TENM2: variants seen among roughly 807,000 people sequenced by gnomAD.
The protein encoded by TENM2 is teneurin transmembrane protein 2.
In TENM2, 52 loss-of-function variants were observed where a neutral mutation model predicts 245.2. The observed-to-expected ratio is 0.21, with a 90% CI of 0.17 to 0.27. TENM2 has a LOEUF of 0.27. Ranked by LOEUF, TENM2 falls within the 10% of genes least tolerant of loss-of-function variation. The pLI is 1.00. For synonymous variants in TENM2, 1,363 were observed against 1,438.9 expected, an observed-to-expected ratio of 0.95 and a Z score of 1.19; for missense variants, 3,046 against 3,666.8, an observed-to-expected ratio of 0.83 and a Z score of 4.37.
the TENM2 span, among the ~76,000 whole-genome samples, chr5:167,229,119 C>A: frequency 6.6e-6 from 1 of 151,840 alleles, no homozygotes; most frequent in Non-Finnish European, 1.5e-5. Context: ...GTGGTGTAGA[C>A]TCTGTATGAT....
intron 2 of TENM2, among the ~76,000 whole-genome samples, chr5:167,623,387 T>A (rs775494906): frequency 1.3e-5 from 2 of 152,144 alleles, no homozygotes; most frequent in Non-Finnish European, 2.9e-5. Flanking sequence ...ACATAATAAT[T>A]TTTTTTACCT....
At chr5:167,766,601 G>A (rs1763037016) in intron 2 of TENM2, among the ~76,000 whole-genome samples, 1 of 152,138 alleles carries the variant, frequency 6.6e-6, no homozygotes, top group Non-Finnish European at 1.5e-5. Flanking sequence ...GCTTGGCCAG[G>A]CATGATGGCT....
the TENM2 span, among the ~76,000 whole-genome samples, chr5:167,044,008 G>A: frequency 1.4e-5 from 2 of 140,186 alleles, no homozygotes; most frequent in African/African-American, 5.2e-5. Flanking sequence ...GACAGAGCGA[G>A]ACTGCATCTC....
chr5:168,024,349 C>T (rs1015429784), intron 5 of TENM2, among the ~76,000 whole-genome samples: 8 of 152,136 alleles, frequency 5.3e-5, no homozygotes, highest in East Asian at 3.9e-4. Flanking sequence ...TGTTACGTAT[C>T]GCCAGCCACT....
the TENM2 span, among the ~76,000 whole-genome samples, chr5:167,036,237 C>G: frequency 6.6e-6 from 1 of 152,086 alleles, no homozygotes; most frequent in Non-Finnish European, 1.5e-5. Flanking sequence ...TGCCAGGGCC[C>G]TGAGACGGGG....
At chr5:168,156,872 A>T (rs1162151851) in intron 12 of TENM2, among the ~76,000 whole-genome samples, 1 of 152,180 alleles carries the variant, frequency 6.6e-6, no homozygotes, top group Non-Finnish European at 1.5e-5. Context: ...CAAACTAGAC[A>T]TGGTCCCTCC....
chr5:167,303,521 AATTTCACAAG>A (rs1343435325), intron 1 of TENM2: 1 of 152,072 alleles, frequency 6.6e-6, no homozygotes, highest in African/African-American at 2.4e-5. Flanking sequence ...CAGGAGAAGG[AATTTCACAAG>A]ATAATGTCAT....
At chr5:167,259,692 T>C in the TENM2 span, among the ~76,000 whole-genome samples, 1 of 152,102 alleles carries the variant, frequency 6.6e-6, no homozygotes, top group African/African-American at 2.4e-5. Flanking sequence ...TGAGATTGTG[T>C]TCATTACCAA....
At chr5:166,995,137 T>C in the TENM2 span, among the ~76,000 whole-genome samples, 1 of 152,160 alleles carries the variant, frequency 6.6e-6, no homozygotes, top group South Asian at 2.1e-4. Context: ...TTGATAAATA[T>C]CTGTTGAGTA....
chr5:168,126,621 C>T (rs1284768133), intron 11 of TENM2, 133 bp from the exon 14 acceptor site: 8 of 663,450 alleles, frequency 1.2e-5, no homozygotes, highest in Admixed American at 6.0e-5. Flanking sequence ...CAAGGAGAGA[C>T]AAGCCTCCAA....
At chr5:167,146,714 C>T in the TENM2 span, among the ~76,000 whole-genome samples, 8 of 152,204 alleles carry the variant, frequency 5.3e-5, no homozygotes, top group Non-Finnish European at 1.2e-4. Flanking sequence ...CTTTATTCTC[C>T]GATATTCTTC....
intron 3 of TENM2, among the ~76,000 whole-genome samples, chr5:167,929,617 G>GTATTT: frequency 6.6e-6 from 1 of 152,232 alleles, no homozygotes; most frequent in South Asian, 2.1e-4. Flanking sequence ...CTTCATAAGT[G>GTATTT]GCTGTTGAAT....
intron 2 of TENM2, among the ~76,000 whole-genome samples, chr5:167,445,369 A>AGAGAGAGAGAGAGAGAGG (rs35699708): frequency 1.0e-5 from 1 of 98,578 alleles, no homozygotes; most frequent in African/African-American, 5.1e-5. Context: ...AGAGAGAGAG[A>AGAGAGAGAGAGAGAGAGG]GTGTCAGGTG....
rs985487405 is a variant in TENM2 at position 167,843,222 on chromosome 5, T to C, written c.503-32764T>C. ...AATAAGACCATGGGCTAACTCGAAA[T>C]ACGTTTAAGCCCAATAAAATTACAT... On this transcript the variant is annotated intron_variant, in intron 2 of 28. Transcript: ENST00000518659. Among the ~76,000 whole-genome samples, 9 of 152,124 alleles carry C rather than the reference T, an allele frequency of 5.9e-5. No individual in the cohort carries two copies. In the South Asian group the frequency reaches 1.9e-3, roughly 32 times the overall value.
At chr5:168,118,224 C>T (rs1795221415) in intron 9 of TENM2, 68 bp from the exon 12 acceptor site, 1 of 1,335,490 alleles carries the variant, frequency 7.5e-7, no homozygotes, top group Admixed American at 2.2e-5. Context: ...GCTCTACCTC[C>T]TTAGACTGCC....
chr5:167,551,077 C>A (rs1772910211), intron 2 of TENM2, among the ~76,000 whole-genome samples: 1 of 152,080 alleles, frequency 6.6e-6, no homozygotes, highest in African/African-American at 2.4e-5. Flanking sequence ...GGAGGAGATT[C>A]TAAAGTCCCT....
chr5:168,057,152 A>C (rs1789615136), intron 6 of TENM2, among the ~76,000 whole-genome samples: 1 of 152,212 alleles, frequency 6.6e-6, no homozygotes, highest in Non-Finnish European at 1.5e-5. Context: ...CACCTGAAGA[A>C]CTTAATTTGA....
At chr5:167,437,295 C>T (rs936584551) in intron 2 of TENM2, among the ~76,000 whole-genome samples, 1 of 152,196 alleles carries the variant, frequency 6.6e-6, no homozygotes, top group Non-Finnish European at 1.5e-5. Context: ...GATTTGACTG[C>T]CCTGCCAGAT....
chr5:166,985,614 A>G, the TENM2 span, among the ~76,000 whole-genome samples: 1 of 152,110 alleles, frequency 6.6e-6, no homozygotes, highest in East Asian at 1.9e-4. Context: ...GAAACCAATT[A>G]CTAAAGGAAA....
Sources: gnomAD v4.1 joint callset for allele counts (sites outside exome capture counted in the v4.1 genomes callset) on GRCh38, gnomAD v4.1.1 for gene constraint, MANE v1.5 for transcripts, NCBI Gene and HGNC (gene_info 2026-07-23, HGNC 2026-07-21) for gene names.